Variants in AFMID observed in about 807,000 individuals in gnomAD.
AFMID encodes the protein arylformamidase.
In AFMID, 39 loss-of-function variants were observed where a neutral mutation model predicts 47.5. That is an observed-to-expected ratio of 0.82 (90% CI 0.64 to 1.07). AFMID has a LOEUF of 1.07. Ranked by LOEUF, AFMID falls within the 50% of genes least tolerant of loss-of-function variation. The pLI, the probability that AFMID is intolerant of heterozygous loss-of-function variation, is 0.00. For synonymous variants in AFMID, 130 were observed against 153.2 expected (o/e 0.85, Z 1.12); for missense variants, 375 against 387.5 (o/e 0.97, Z 0.27).
In AFMID at chr17:78,206,066, T is replaced by C; in HGVS notation, c.885+16T>C. The C allele has an allele frequency of 6.2e-7, 1 of 1,610,728 alleles. No individual in the cohort carries two copies. The highest frequency in any genetic ancestry group is 8.5e-7 in the Non-Finnish European group (1 of 1,177,096). On this transcript the variant is annotated intron_variant, in intron 10 of 10. Transcript: ENST00000409257. ...GCTCACCCAGGTGGGGCCTCATCCC[T>C]GGCAGCCCTTTCATGGTAGACAGCA...
In AFMID at chr17:78,207,050, C is replaced by A; in HGVS notation, c.*113C>A. The A allele has an allele frequency of 1.7e-6, 2 of 1,146,808 alleles. No individual in the cohort carries two copies. The highest frequency in any genetic ancestry group is 2.6e-6 in the Non-Finnish European group (2 of 760,766). The allele number at this position is 1,146,808 out of a possible 1,614,324, so 71.0% of individuals were successfully genotyped here. A position where few individuals can be genotyped will look rare whatever the true frequency, so the allele number is the denominator to read the frequency against. The stretch of plus-strand genomic sequence containing the variant: ...AGTTTCCCCCAGCACCCAGGAGAGC[C>A]TTGCTGTGTCTGTCTGCCCGGCAAG... On this transcript the variant is annotated 3_prime_UTR_variant, in exon 11 of 11. Transcript: ENST00000409257.
chr17:78,204,545 A>AG (rs1357132037), intron 4 of AFMID, 111 bp from the exon 5 acceptor site: 4 of 991,444 alleles, frequency 4.0e-6, no homozygotes, highest in Admixed American at 1.9e-5. Context: ...GGGACCAGAA[A>AG]GGGGTGATGC....
chr17:78,207,273 CTTTTTTTTTTTTTTTTT>C lies in AFMID; in HGVS notation c.*348_*364del, dbSNP rs1163959276. 12 of 85,440 alleles carry C rather than the reference CTTTTTTTTTTTTTTTTT, an allele frequency of 1.4e-4. No individual in the cohort carries two copies. Among genetic ancestry groups the C allele is most frequent in the Non-Finnish European group, 2.3e-4 (12 of 51,152 alleles). The allele number at this position is 85,440 out of a possible 1,614,324, so 5.3% of individuals were successfully genotyped here. A position where few individuals can be genotyped will look rare whatever the true frequency, so the allele number is the denominator to read the frequency against. On this transcript the variant is annotated 3_prime_UTR_variant, in exon 11 of 11. Coordinates refer to ENST00000409257, the MANE Select transcript of AFMID (RefSeq NM_001010982.5). The stretch of plus-strand genomic sequence containing the variant: ...ACGCTCAAAAGTAATGCCATTACTT[CTTTTTTTTTTTTTTTTT>C]TTTTTTTTTTTGAGATGGAGTCTTA...
chr17:78,205,657 G>A lies in AFMID; in HGVS notation c.699G>A (p.Val233=). The change falls in exon 9 of 11, where the codon GTG becomes GTA. Residue 233 remains valine (V), a synonymous_variant. Transcript: ENST00000409257. Reference sequence around the variant, plus strand: ...TGAAGGTGGCCCAGGCACAGCCGGTGGACCCCACCTGCCGTGTGCTGGTGG... The same window carrying A: ...TGAAGGTGGCCCAGGCACAGCCGGTAGACCCCACCTGCCGTGTGCTGGTGG... ...PQLKVAQAQP[V]DPTCRVLVVV... 6.2e-7 allele frequency: 1 copy of A among 1,613,780 alleles called. No homozygotes were observed. Among genetic ancestry groups the A allele is most frequent in the South Asian group, 1.1e-5 (1 of 91,078 alleles).
chr17:78,192,178 T>A (rs988509336), intron 2 of AFMID, among the ~76,000 whole-genome samples: 1 of 149,338 alleles, frequency 6.7e-6, no homozygotes, highest in African/African-American at 2.5e-5. Context: ...GTTTTGTATT[T>A]TTTTTTTTTT....
chr17:78,195,946 C>T (rs563245065), intron 2 of AFMID, among the ~76,000 whole-genome samples: 103 of 152,102 alleles, frequency 6.8e-4, no homozygotes, highest in South Asian at 5.2e-3. Context: ...CCCAGGTTCA[C>T]GCCATTCTCC....
chr17:78,197,120 A>G (rs1293166006), intron 2 of AFMID: 1 of 1,540,570 alleles, frequency 6.5e-7, no homozygotes, highest in African/African-American at 1.4e-5. Context: ...TAATCGTAGC[A>G]CAACTTTAAT....
chr17:78,193,312 A>G (rs1006303486), intron 2 of AFMID, among the ~76,000 whole-genome samples: 1 of 140,924 alleles, frequency 7.1e-6, no homozygotes, highest in Non-Finnish European at 1.5e-5. Context: ...TGGAGCTTGC[A>G]GTGAGCCGGG....
rs577101527 is a variant in AFMID at position 78,191,140 on chromosome 17, G to T, written c.154+80G>T. The T allele has an allele frequency of 8.5e-5, 110 of 1,292,158 alleles. No individual in the cohort carries two copies. The African/African-American group carries it at 8.6e-4, about 10-fold the overall frequency. The allele number at this position is 1,292,158 out of a possible 1,614,324, so 80.0% of individuals were successfully genotyped here. ...GATTCAGAATGCTGGGGGTTGGGGGGGCTGTGCTGCACCACCTGGGCCTCG... is the reference window on the plus strand; with the variant it reads ...GATTCAGAATGCTGGGGGTTGGGGGTGCTGTGCTGCACCACCTGGGCCTCG... On this transcript the variant is annotated intron_variant, in intron 2 of 10. Transcript: ENST00000409257.
In AFMID at chr17:78,202,743, G is replaced by A; in HGVS notation, c.300G>A (p.Gln100=). ...TGTTCTTTCACGGAGGATACTGGCA[G>A]AGCGGAAGGTGAGTCGGGGGATGTG... is the stretch of plus-strand genomic sequence containing the variant. ...FFLFFHGGYW[Q]SGSKDESAFM... The change falls in exon 4 of 11, where the codon CAG becomes CAA. Residue 100 remains glutamine (Q), a synonymous_variant. Coordinates refer to ENST00000409257, the MANE Select transcript of AFMID (RefSeq NM_001010982.5). 6.4e-7 allele frequency: 1 copy of A among 1,557,956 alleles called. No individual in the cohort carries two copies. Among genetic ancestry groups the A allele is most frequent in the Non-Finnish European group, 8.7e-7 (1 of 1,150,398 alleles).
At chr17:78,193,732 C>T (rs1394852241) in intron 2 of AFMID, among the ~76,000 whole-genome samples, 2 of 151,988 alleles carry the variant, frequency 1.3e-5, no homozygotes, top group Non-Finnish European at 2.9e-5. Context: ...AATCCCAGCA[C>T]TTTGCGGGGC....
intron 2 of AFMID, among the ~76,000 whole-genome samples, chr17:78,194,013 C>A (rs11655592): frequency 6.0e-5 from 9 of 150,558 alleles, no homozygotes; most frequent in Non-Finnish European, 1.3e-4. Flanking sequence ...AGCAGGGTGC[C>A]GTAGTGTGCA....
rs1374051160 is a variant in AFMID at position 78,206,954 on chromosome 17, A to G, written c.*17A>G. The stretch of plus-strand genomic sequence containing the variant: ...TTCCAGTAGTTCTGACGATACTTGG[A>G]GCCTGGTCCACGTGCATCCCACCTT... On this transcript the variant is annotated 3_prime_UTR_variant, in exon 11 of 11. Transcript: ENST00000409257. 1 of 1,613,794 alleles carries G rather than the reference A, an allele frequency of 6.2e-7. No homozygotes were observed. Among genetic ancestry groups the G allele is most frequent in the African/African-American group, 1.3e-5 (1 of 74,988 alleles).
chr17:78,204,435 A>G (rs1026164894), intron 4 of AFMID, among the ~76,000 whole-genome samples: 1 of 152,212 alleles, frequency 6.6e-6, no homozygotes, highest in Non-Finnish European at 1.5e-5. Context: ...GCGAGGCCCT[A>G]TCGCTTAGAA....
In AFMID at chr17:78,204,847, AGACCAGGT is replaced by A. The variant is rs750360761; in HGVS notation, c.419_426del (p.Gln140ProfsTer56). The A allele has an allele frequency of 6.2e-7, 1 of 1,614,216 alleles. No individual in the cohort carries two copies. ...GTGCAGGCACCCTGGACCACATGGTAGACCAGGTGACCCGCAGCGTTGCGTTTGTCCAG... is the reference window on the plus strand; with the variant it reads ...GTGCAGGCACCCTGGACCACATGGTAGACCCGCAGCGTTGCGTTTGTCCAG... On this transcript the variant is annotated frameshift_variant, in exon 6 of 11. Transcript: ENST00000409257. LOFTEE classifies it high-confidence loss of function.
At chr17:78,192,576 A>G in intron 2 of AFMID, 1 of 467,416 alleles carries the variant, frequency 2.1e-6, no homozygotes, top group South Asian at 1.6e-5. Flanking sequence ...GGCCTCCCAA[A>G]GTGCTGGGAT....
intron 2 of AFMID, among the ~76,000 whole-genome samples, chr17:78,198,709 G>A (rs893045192): frequency 5.3e-5 from 8 of 151,990 alleles, no homozygotes; most frequent in African/African-American, 1.9e-4. Flanking sequence ...CTCAGAAGGA[G>A]GAGACAGGAG....
At chr17:78,193,920 G>A (rs1394519918) in intron 2 of AFMID, among the ~76,000 whole-genome samples, 1 of 149,740 alleles carries the variant, frequency 6.7e-6, no homozygotes, top group East Asian at 2.0e-4. Context: ...AGCTTGCAGT[G>A]AGCTGAGATC....
At position 78,200,798 on chromosome 17, in the gene AFMID, C is replaced by T. The variant is rs183172165; in HGVS notation, c.155-1701C>T. Among the ~76,000 whole-genome samples, 21 of 152,312 alleles carry T rather than the reference C, an allele frequency of 1.4e-4. 1 individual carries two copies. In the East Asian group the frequency reaches 3.7e-3, roughly 27 times the overall value. ...GCTGTGAGACACTCAATTTGCAGTA[C>T]TTTGTTACAGCTGCCCTGGTAAACA... is the stretch of plus-strand genomic sequence containing the variant. On this transcript the variant is annotated intron_variant, in intron 2 of 10. Transcript: ENST00000409257.
Sources: allele counts gnomAD v4.1 joint callset (sites outside exome capture counted in the v4.1 genomes callset), GRCh38; gene constraint gnomAD v4.1.1; transcripts MANE v1.5; gene names NCBI Gene and HGNC (gene_info 2026-07-23, HGNC 2026-07-21).